OGFOD1: variants seen among roughly 807,000 people sequenced by gnomAD.
The protein encoded by OGFOD1 is 2-oxoglutarate and iron dependent oxygenase domain containing 1, also known as prolyl 3-hydroxylase OGFOD1.
A neutral mutation model predicts 67.7 loss-of-function variants in OGFOD1; 54 were observed. The observed-to-expected ratio is 0.80, with a 90% confidence interval of 0.64 to 1.00. The LOEUF (loss-of-function observed/expected upper bound fraction) is 1.00. Ranked by LOEUF, OGFOD1 falls within the 50% of genes least tolerant of loss-of-function variation. OGFOD1 has a pLI of 0.00. For synonymous variants in OGFOD1, 221 were observed against 227.0 expected (o/e 0.97, Z 0.24); for missense variants, 606 against 646.7 (o/e 0.94, Z 0.68).
intron 2 of OGFOD1, among the ~76,000 whole-genome samples, chr16:56,454,411 C>T (rs1331149589): frequency 6.7e-6 from 1 of 149,954 alleles, no homozygotes; most frequent in Non-Finnish European, 1.5e-5. Flanking sequence ...TTACAGTATG[C>T]TCTACATTGC....
chr16:56,468,488 G>A (rs1400619069), intron 8 of OGFOD1, among the ~76,000 whole-genome samples: 3 of 152,238 alleles, frequency 2.0e-5, no homozygotes, highest in Middle Eastern at 3.4e-3. Context: ...TTGGGAGGCC[G>A]AGGTGGCCAG....
At chr16:56,468,533 C>T (rs773123768) in intron 8 of OGFOD1, among the ~76,000 whole-genome samples, 3 of 152,018 alleles carry the variant, frequency 2.0e-5, no homozygotes, top group Non-Finnish European at 4.4e-5. Flanking sequence ...ACCAGCCTGG[C>T]CAACATTGTG....
chr16:56,460,137 T>C (rs1962664123), intron 3 of OGFOD1, among the ~76,000 whole-genome samples: 1 of 152,220 alleles, frequency 6.6e-6, no homozygotes, highest in Admixed American at 6.5e-5. Flanking sequence ...AAAGAAAGAT[T>C]ATCATGAATT....
At chr16:56,465,619 A>C (rs552696514) in intron 4 of OGFOD1, 21 of 153,036 alleles carry the variant, frequency 1.4e-4, no homozygotes, top group Admixed American at 7.8e-4. Flanking sequence ...AGCAAGTACA[A>C]AAGATCCATG....
intron 1 of OGFOD1, 56 bp from the exon 2 acceptor site, chr16:56,453,207 T>G: frequency 6.4e-7 from 1 of 1,553,560 alleles, no homozygotes; most frequent in East Asian, 2.3e-5. Context: ...CTATGTTACT[T>G]GGATGTCAAA....
In OGFOD1 at chr16:56,476,067, C is replaced by A; in HGVS notation, c.1491C>A (p.Ser497Arg). The change falls in exon 13 of 13, where the codon AGC (serine) becomes AGA (arginine). Residue 497 changes from serine to arginine, a missense_variant. By Grantham distance (110) the Ser-to-Arg change is moderately radical (BLOSUM62 -1). Transcript: ENST00000566157. The stretch of plus-strand genomic sequence containing the variant: ...AGCTGCTAACAGTGAATCCAGAAAG[C>A]AATTCTTTGGCATTGGTCTACAGAG... ...DEELLTVNPE[S>R]NSLALVYRDR... The A allele has an allele frequency of 6.2e-7, 1 of 1,612,746 alleles. No homozygotes were observed. The highest frequency in any genetic ancestry group is 8.5e-7 in the Non-Finnish European group (1 of 1,179,534).
At chr16:56,468,296 A>T (rs1334411217) in intron 8 of OGFOD1, among the ~76,000 whole-genome samples, 2 of 152,242 alleles carry the variant, frequency 1.3e-5, no homozygotes, top group Admixed American at 1.3e-4. Context: ...AGTTGTGTGT[A>T]GTTACCTTTC....
intron 8 of OGFOD1, among the ~76,000 whole-genome samples, chr16:56,469,763 T>C (rs1433388925): frequency 6.8e-6 from 1 of 147,440 alleles, no homozygotes; most frequent in Non-Finnish European, 1.5e-5. Flanking sequence ...GGCAGGAGAA[T>C]CGTTTGAACC....
rs574676974 is a variant in OGFOD1, at chr16:56,451,591, T to C, written c.-22T>C. ...AGGTAGCGTCTTGATCTGCGTGGCG[T>C]GGTTCTGTGCCTTGGGAAGAGATGA... On this transcript the variant is annotated 5_prime_UTR_variant, in exon 1 of 13. Transcript: ENST00000566157. The C allele has an allele frequency of 2.7e-5, 44 of 1,612,512 alleles. No individual in the cohort carries two copies. The African/African-American group carries it at 5.6e-4, about 21-fold the overall frequency.
chr16:56,471,115 G>T (rs1297385254), intron 10 of OGFOD1, among the ~76,000 whole-genome samples: 4 of 151,938 alleles, frequency 2.6e-5, no homozygotes, highest in African/African-American at 9.7e-5. Flanking sequence ...ACTTTTGGAG[G>T]CGGAGGCAGT....
chr16:56,467,019 C>T lies in OGFOD1; in HGVS notation c.657+52C>T, dbSNP rs778791202. On this transcript the variant is annotated intron_variant, in intron 6 of 12. Coordinates refer to ENST00000566157, the MANE Select transcript of OGFOD1 (RefSeq NM_018233.4). ...TAGCAAGGATTATGTTTTTTAATCA[C>T]CCATTATCCAAACATGACAGCTTCC... 5.9e-6 allele frequency: 9 copies of T among 1,530,644 alleles called. No homozygotes were observed. In the African/African-American group the frequency reaches 9.6e-5, roughly 16 times the overall value. 94.8% of individuals were successfully genotyped at this position (1,530,644 alleles called of 1,614,324 possible).
chr16:56,474,949 A>G lies in OGFOD1; in HGVS notation c.1407A>G (p.Glu469=). Residue 469 remains glutamate (E), a splice_region_variant and synonymous_variant, in exon 11 of 13, where the codon GAA becomes GAG. Transcript: ENST00000566157. The part of the protein sequence containing the change: ...ALDLILYCGC[E]GWEPEYGGFT... Reference sequence around the variant, plus strand: ...ACTTAATTCTGTACTGTGGCTGTGAAGGTAAGAGGGAGGAAAGCAAGCGGT... The same window carrying G: ...ACTTAATTCTGTACTGTGGCTGTGAGGGTAAGAGGGAGGAAAGCAAGCGGT... The G allele has an allele frequency of 6.2e-7, 1 of 1,613,562 alleles. No individual in the cohort carries two copies. Among genetic ancestry groups the G allele is most frequent in the Non-Finnish European group, 8.5e-7 (1 of 1,179,696 alleles).
At chr16:56,461,423 C>A (rs1400387901) in intron 3 of OGFOD1, among the ~76,000 whole-genome samples, 1 of 152,224 alleles carries the variant, frequency 6.6e-6, no homozygotes, top group Admixed American at 6.5e-5. Context: ...TACATCCCTT[C>A]CGTCTGGCTG....
At chr16:56,453,602 G>T (rs1962414468) in intron 2 of OGFOD1, 194 bp downstream of exon 2, 3 of 510,372 alleles carry the variant, frequency 5.9e-6, no homozygotes, top group South Asian at 2.9e-5. Context: ...ATAATTATAT[G>T]GAAGCCTTAG....
In OGFOD1 at chr16:56,466,819, T is replaced by C. The variant is rs1962917807; in HGVS notation, c.566-57T>C. 8.4e-6 allele frequency: 11 copies of C among 1,312,808 alleles called. No homozygotes were observed. The South Asian group carries it at 1.3e-4, about 16-fold the overall frequency. 81.3% of individuals were successfully genotyped at this position (1,312,808 alleles called of 1,614,324 possible). On this transcript the variant is annotated intron_variant, in intron 5 of 12. Transcript: ENST00000566157. The stretch of plus-strand genomic sequence containing the variant: ...AGTTTGGAAATTGTCAAGAGTAAAA[T>C]GAGGCAGGCTGGAAGTGGTTAATGA...
Position 56,475,499 on chromosome 16 carries a change from C to CT in OGFOD1, c.1409-6dup. On this transcript the variant is annotated splice_region_variant and splice_polypyrimidine_tract_variant and intron_variant, in intron 11 of 12. Coordinates refer to ENST00000566157, the MANE Select transcript of OGFOD1 (RefSeq NM_018233.4). ...CTTTCTGAATGCTGTTTGTTTTTCT[C>CT]TTGTAAGGCTGGGAGCCAGAATATG... is the stretch of plus-strand genomic sequence containing the variant. 2 of 1,613,698 alleles carry CT rather than the reference C, an allele frequency of 1.2e-6. No homozygotes were observed. Among genetic ancestry groups the CT allele is most frequent in the South Asian group, 1.1e-5 (1 of 91,046 alleles).
At chr16:56,466,323 G>A in intron 5 of OGFOD1, 55 bp downstream of exon 5, 1 of 1,107,878 alleles carries the variant, frequency 9.0e-7, no homozygotes, top group South Asian at 1.3e-5. Flanking sequence ...CTGAGTTAAA[G>A]CTGAGTTGAT....
intron 10 of OGFOD1, among the ~76,000 whole-genome samples, chr16:56,474,616 G>A (rs1963369158): frequency 1.3e-5 from 2 of 151,924 alleles, no homozygotes; most frequent in South Asian, 2.1e-4. Flanking sequence ...CACCATGCCC[G>A]GCCCAAAATT....
At position 56,467,231 on chromosome 16, in the gene OGFOD1, T is replaced by A. The variant is rs751789791; in HGVS notation, c.724T>A (p.Leu242Met). The A allele has an allele frequency of 6.2e-7, 1 of 1,614,018 alleles. No homozygotes were observed. Among genetic ancestry groups the A allele is most frequent in the African/African-American group, 1.3e-5 (1 of 74,902 alleles). Residue 242 changes from leucine to methionine, a missense_variant, in exon 7 of 13, where the codon TTG becomes ATG. Coordinates refer to ENST00000566157, the MANE Select transcript of OGFOD1 (RefSeq NM_018233.4). ...SISGWFHGPS[L>M]TRPPNYFEPP... ...AAGTGGCTGGTTTCATGGTCCATCATTGACTCGGCCTCCCAACTACTTTGA... is the reference window on the plus strand; with the variant it reads ...AAGTGGCTGGTTTCATGGTCCATCAATGACTCGGCCTCCCAACTACTTTGA...
Sources: allele counts gnomAD v4.1 joint callset (sites outside exome capture counted in the v4.1 genomes callset), GRCh38; gene constraint gnomAD v4.1.1; transcripts MANE v1.5; gene names NCBI Gene and HGNC (gene_info 2026-07-23, HGNC 2026-07-21).